The following HTR4 variants were observed in gnomAD, a reference collection of about 807,000 sequenced individuals.
HTR4 encodes the protein 5-hydroxytryptamine (serotonin) receptor 4, G protein-coupled.
A neutral mutation model predicts 36.8 loss-of-function variants in HTR4; 16 were observed. That is an observed-to-expected ratio of 0.43 (90% CI 0.29 to 0.66). The LOEUF is 0.66. Ranked by LOEUF, HTR4 falls within the 30% of genes least tolerant of loss-of-function variation. HTR4 has a pLI of 0.13. For missense variants in HTR4, 438 were observed against 490.9 expected (o/e 0.89, Z 1.02); for synonymous variants, 189 against 185.1 (o/e 1.02, Z -0.17).
intron 2 of HTR4, among the ~76,000 whole-genome samples, chr5:148,558,345 C>T (rs1285008418): frequency 6.6e-6 from 1 of 152,154 alleles, no homozygotes; most frequent in Non-Finnish European, 1.5e-5. Flanking sequence ...TAACGTTCCA[C>T]TCAGCTTGAT....
At chr5:148,595,869 T>C (rs1330700729) in intron 2 of HTR4, among the ~76,000 whole-genome samples, 1 of 152,226 alleles carries the variant, frequency 6.6e-6, no homozygotes, top group East Asian at 1.9e-4. Flanking sequence ...GAGGAGTTAG[T>C]GTAGTGACAC....
At chr5:148,578,482 T>G (rs980928646) in intron 2 of HTR4, among the ~76,000 whole-genome samples, 1 of 152,128 alleles carries the variant, frequency 6.6e-6, no homozygotes, top group Non-Finnish European at 1.5e-5. Context: ...ATATAAACGA[T>G]AATCTAACAT....
At chr5:148,519,304 C>T (rs891351117) in intron 5 of HTR4, among the ~76,000 whole-genome samples, 1 of 152,012 alleles carries the variant, frequency 6.6e-6, no homozygotes, top group Non-Finnish European at 1.5e-5. Context: ...ATTATGTGAA[C>T]CCTTTGAATT....
At chr5:148,628,487 T>C (rs1753202420) in intron 2 of HTR4, 1 of 152,226 alleles carries the variant, frequency 6.6e-6, no homozygotes, top group Non-Finnish European at 1.5e-5. Context: ...AAATCCATTT[T>C]CATAGATATT....
chr5:148,532,957 A>T (rs1758647031), intron 4 of HTR4, among the ~76,000 whole-genome samples: 1 of 152,182 alleles, frequency 6.6e-6, no homozygotes, highest in African/African-American at 2.4e-5. Context: ...TTTGAGAACC[A>T]TTGTCTTAGA....
chr5:148,497,999 T>C (rs1410717413), intron 6 of HTR4, among the ~76,000 whole-genome samples: 1 of 152,244 alleles, frequency 6.6e-6, no homozygotes, highest in Non-Finnish European at 1.5e-5. Context: ...AGACACTTCT[T>C]GTCCAACAGA....
chr5:148,550,210 A>G lies in HTR4; in HGVS notation c.79T>C (p.Ser27Pro). 6.2e-7 allele frequency: 1 copy of G among 1,614,136 alleles called. No individual in the cohort carries two copies. Among genetic ancestry groups the G allele is most frequent in the South Asian group, 1.1e-5 (1 of 91,074 alleles). Residue 27 changes from serine to proline, a missense_variant, in exon 3 of 7, where the codon TCG (serine) becomes CCG (proline). Transcript: ENST00000377888. ...AAGATGGCCATCAGGATAACCGTCG[A>G]GAGAAACGTGAGCAGCACCACCTTC... is the stretch of plus-strand genomic sequence containing the variant. ...VEKVVLLTFL[S>P]TVILMAILGN...
intron 1 of HTR4, among the ~76,000 whole-genome samples, chr5:148,637,719 C>T (rs1405707711): frequency 6.6e-6 from 1 of 152,172 alleles, no homozygotes; most frequent in African/African-American, 2.4e-5. Context: ...CAGAAGACCT[C>T]ACACTCTTTA....
At chr5:148,560,397 C>A (rs983938515) in intron 2 of HTR4, among the ~76,000 whole-genome samples, 1 of 152,012 alleles carries the variant, frequency 6.6e-6, no homozygotes. Flanking sequence ...GGGTGAAGAC[C>A]AAAATTTTAC....
At chr5:148,550,767 A>C (rs2113850221) in intron 2 of HTR4, among the ~76,000 whole-genome samples, 1 of 152,292 alleles carries the variant, frequency 6.6e-6, no homozygotes, top group Non-Finnish European at 1.5e-5. Flanking sequence ...ACAGGGTGGA[A>C]CCTAAGTGCT....
chr5:148,528,814 C>T (rs2113807681), intron 4 of HTR4, among the ~76,000 whole-genome samples: 1 of 152,110 alleles, frequency 6.6e-6, no homozygotes, highest in South Asian at 2.1e-4. Flanking sequence ...TTTGCAAGTT[C>T]TTTGGAGGGA....
chr5:148,531,852 G>A lies in HTR4; in HGVS notation c.354-8506C>T, dbSNP rs186107127. Among the ~76,000 whole-genome samples the A allele has an allele frequency of 9.0e-3, 1,375 of 152,212 alleles. 10 individuals are homozygous for A. The highest frequency in any genetic ancestry group is 0.015 in the Non-Finnish European group (1,008 of 68,030). On this transcript the variant is annotated intron_variant, in intron 4 of 6. Coordinates refer to ENST00000377888, the MANE Select transcript of HTR4 (RefSeq NM_000870.7). ...ATTTTCTGCAGGTAAAAAATTCCCT[G>A]TTGCTCTCAACCAGGGGTGACTTTG... is the stretch of plus-strand genomic sequence containing the variant.
At chr5:148,590,076 T>G (rs1474787605) in intron 2 of HTR4, among the ~76,000 whole-genome samples, 2 of 152,080 alleles carry the variant, frequency 1.3e-5, no homozygotes, top group Non-Finnish European at 2.9e-5. Context: ...GAAGCTTTAA[T>G]TTTAATATAG....
Position 148,598,282 on chromosome 5 carries a change from T to G in HTR4, c.26+38707A>C, listed in dbSNP as rs145101986. The stretch of plus-strand genomic sequence containing the variant: ...AGTTGAGGCCAGGCACAGTGGCTCA[T>G]GCCTGTAATCACAGTACTTCAGGAG... On this transcript the variant is annotated intron_variant, in intron 2 of 6. Transcript: ENST00000377888. Among the ~76,000 whole-genome samples, 14 of 152,250 alleles carry G rather than the reference T, an allele frequency of 9.2e-5. No homozygotes were observed. In the East Asian group the frequency reaches 2.5e-3, roughly 27 times the overall value.
intron 2 of HTR4, among the ~76,000 whole-genome samples, chr5:148,552,528 T>C (rs1254194495): frequency 6.6e-6 from 1 of 152,180 alleles, no homozygotes; most frequent in Non-Finnish European, 1.5e-5. Flanking sequence ...CTGAAACTCA[T>C]CTCTTCCACC....
intron 4 of HTR4, among the ~76,000 whole-genome samples, chr5:148,533,165 A>G (rs1219812346): frequency 1.3e-5 from 2 of 152,258 alleles, no homozygotes; most frequent in Non-Finnish European, 2.9e-5. Context: ...TACATGAATC[A>G]GCAAAATTTG....
intron 2 of HTR4, among the ~76,000 whole-genome samples, chr5:148,599,680 G>A (rs1761912762): frequency 6.6e-6 from 1 of 151,558 alleles, no homozygotes; most frequent in Admixed American, 6.6e-5. Context: ...AATGCAAACA[G>A]AAATGAAAAA....
chr5:148,582,935 C>T (rs1306635517), intron 2 of HTR4, among the ~76,000 whole-genome samples: 2 of 151,884 alleles, frequency 1.3e-5, no homozygotes, highest in East Asian at 3.9e-4. Context: ...TTTCCTTCTC[C>T]TGCCTAATTG....
At position 148,509,860 on chromosome 5, in the gene HTR4, A is replaced by G. The variant is rs1561586872; in HGVS notation, c.672T>C (p.His224=). ...RIYVTAKEHA[H]QIQMLQRAGA... Reference sequence around the variant, plus strand: ...CTGCCCGTTGTAACATCTGGATCTGATGGGCATGCTCCTTAGCTGTGACAT... The same window carrying G: ...CTGCCCGTTGTAACATCTGGATCTGGTGGGCATGCTCCTTAGCTGTGACAT... The change falls in exon 6 of 7, where the codon CAT becomes CAC. Residue 224 remains histidine (H), a synonymous_variant. Transcript: ENST00000377888. The G allele has an allele frequency of 1.2e-6, 2 of 1,613,944 alleles. No individual in the cohort carries two copies. The highest frequency in any genetic ancestry group is 1.6e-4 in the Middle Eastern group (1 of 6,062).
Sources: allele counts gnomAD v4.1 joint callset (sites outside exome capture counted in the v4.1 genomes callset), GRCh38; gene constraint gnomAD v4.1.1; transcripts MANE v1.5; gene names NCBI Gene and HGNC (gene_info 2026-07-23, HGNC 2026-07-21).